The following NBEA variants were observed in gnomAD, a reference collection of about 807,000 sequenced individuals.
NBEA encodes the protein neurobeachin.
In NBEA, 44 loss-of-function variants were observed where a neutral mutation model predicts 343.4. The observed-to-expected ratio is 0.13, with a 90% CI of 0.10 to 0.16. The LOEUF (loss-of-function observed/expected upper bound fraction) is 0.16. Ranked by LOEUF, NBEA falls within the 10% of genes least tolerant of loss-of-function variation. The probability of loss-of-function intolerance (pLI) is 1.00; values close to 1 mark genes in which losing one functional copy is unlikely to be tolerated. For synonymous variants in NBEA, 1,175 were observed against 1,238.7 expected (o/e 0.95, Z 1.08); for missense variants, 2,555 against 3,631.3 (o/e 0.70, Z 7.62).
At chr13:35,329,957 A>G (rs2038819350) in intron 36 of NBEA, among the ~76,000 whole-genome samples, 1 of 151,894 alleles carries the variant, frequency 6.6e-6, no homozygotes, top group African/African-American at 2.4e-5. Flanking sequence ...AAGTGCTCCT[A>G]TACCATGCTT....
chr13:35,350,271 A>G lies in NBEA; in HGVS notation c.6012+1055A>G, dbSNP rs909185491. ...CTAGATATTAGTTATGAGCTTTAAC[A>G]TGTTTAACCAAGGTGACATTAAGCC... On this transcript the variant is annotated intron_variant, in intron 37 of 58. Coordinates refer to ENST00000379939, the MANE Select transcript of NBEA (RefSeq NM_001385012.1). 5.9e-5 allele frequency among the ~76,000 whole-genome samples: 9 copies of G among 152,136 alleles called. No individual in the cohort carries two copies. In the East Asian group the frequency reaches 1.7e-3, roughly 29 times the overall value.
chr13:35,439,740 A>G (rs2045634085), intron 39 of NBEA, among the ~76,000 whole-genome samples: 1 of 152,234 alleles, frequency 6.6e-6, no homozygotes, highest in Admixed American at 6.5e-5. Flanking sequence ...TAAAAAATAA[A>G]TAAATAATTG....
In NBEA at chr13:34,982,352, C is replaced by G. The variant is rs35044372; in HGVS notation, c.294+39238C>G. 3.0e-3 allele frequency among the ~76,000 whole-genome samples: 457 copies of G among 151,868 alleles called. 5 individuals carry two copies. Among genetic ancestry groups the G allele is most frequent in the Non-Finnish European group, 4.4e-3 (298 of 67,920 alleles). On this transcript the variant is annotated intron_variant, in intron 1 of 58. Transcript: ENST00000379939. ...TCTCTGTTGCCCAGGCTGGGGTGCA[C>G]TGGTGCGACCTACCTCAGCTCACTG... is the stretch of plus-strand genomic sequence containing the variant.
intron 38 of NBEA, among the ~76,000 whole-genome samples, chr13:35,420,933 T>A (rs1029860788): frequency 6.6e-6 from 1 of 151,974 alleles, no homozygotes; most frequent in Non-Finnish European, 1.5e-5. Context: ...TTGATTTTTT[T>A]CAAAGAAACA....
At chr13:35,006,978 C>T (rs1276166252) in intron 1 of NBEA, among the ~76,000 whole-genome samples, 5 of 152,328 alleles carry the variant, frequency 3.3e-5, no homozygotes, top group Admixed American at 6.5e-5. Context: ...TTTCAGTTTT[C>T]GAACAATATG....
At chr13:35,164,569 A>G (rs1446827308) in intron 24 of NBEA, 60 bp downstream of exon 24, 31 of 1,522,196 alleles carry the variant, frequency 2.0e-5, no homozygotes, top group South Asian at 1.9e-4. Context: ...TTAGCATTTC[A>G]GTGGTGGTCT....
chr13:35,564,498 G>T (rs1218674672), intron 44 of NBEA, among the ~76,000 whole-genome samples: 1 of 152,042 alleles, frequency 6.6e-6, no homozygotes, highest in Non-Finnish European at 1.5e-5. Context: ...TATAAAAAAA[G>T]TACTGAGCCC....
chr13:34,997,005 T>C (rs1469277105), intron 1 of NBEA, among the ~76,000 whole-genome samples: 1 of 151,916 alleles, frequency 6.6e-6, no homozygotes, highest in African/African-American at 2.4e-5. Context: ...GAAATTTGAA[T>C]ATTCTACCTG....
chr13:35,085,622 TATC>T (rs2064711121), intron 10 of NBEA, among the ~76,000 whole-genome samples: 1 of 152,078 alleles, frequency 6.6e-6, no homozygotes, highest in Admixed American at 6.6e-5. Context: ...CCACAGCCAA[TATC>T]ATACTGAATG....
In NBEA at chr13:35,452,129, C is replaced by A; in HGVS notation, c.6342C>A (p.Phe2114Leu). 6.2e-7 allele frequency: 1 copy of A among 1,612,306 alleles called. No homozygotes were observed. The highest frequency in any genetic ancestry group is 8.5e-7 in the Non-Finnish European group (1 of 1,178,986). The part of the protein sequence containing the change: ...EEDVVKSKKT[F>L]RSQAIVNQNA... ...ATGTAGTAAAGTCAAAGAAAACATT[C>A]AGAAGTCAAGCAATAGTGAACCAAA... Residue 2114 changes from phenylalanine (F) to leucine (L), a missense_variant, in exon 40 of 59, where the codon TTC (phenylalanine) becomes TTA (leucine). By Grantham distance (22) the Phe-to-Leu change is conservative (BLOSUM62 0). Coordinates refer to ENST00000379939, the MANE Select transcript of NBEA (RefSeq NM_001385012.1).
chr13:35,002,967 C>T (rs780714604), intron 1 of NBEA, among the ~76,000 whole-genome samples: 4 of 151,972 alleles, frequency 2.6e-5, no homozygotes, highest in Admixed American at 6.6e-5. Context: ...AGGTACATAC[C>T]GTAAGCCAAC....
At chr13:35,445,233 T>A (rs1382763508) in intron 39 of NBEA, among the ~76,000 whole-genome samples, 1 of 152,150 alleles carries the variant, frequency 6.6e-6, no homozygotes, top group African/African-American at 2.4e-5. Flanking sequence ...TGCAACACTA[T>A]TATAAGCAAT....
chr13:35,650,739 A>G (rs561487153), intron 52 of NBEA, among the ~76,000 whole-genome samples: 4 of 152,230 alleles, frequency 2.6e-5, no homozygotes, highest in Admixed American at 6.5e-5. Flanking sequence ...ACATTTAGAC[A>G]TATGGATGCT....
chr13:35,416,314 G>C (rs144918728), intron 38 of NBEA, among the ~76,000 whole-genome samples: 2,049 of 152,222 alleles, frequency 0.013, 59 homozygotes, highest in African/African-American at 0.047. Flanking sequence ...TCTTGTGCCA[G>C]TTTTCAAAGG....
intron 10 of NBEA, among the ~76,000 whole-genome samples, chr13:35,078,744 A>C (rs1025453423): frequency 2.0e-5 from 3 of 152,214 alleles, no homozygotes; most frequent in African/African-American, 7.2e-5. Context: ...GGAAACCCAT[A>C]TCCTGAAGAC....
At chr13:35,209,999 G>C (rs377621945) in intron 32 of NBEA, among the ~76,000 whole-genome samples, 2 of 151,996 alleles carry the variant, frequency 1.3e-5, no homozygotes, top group East Asian at 1.9e-4. Context: ...CAGCTTTCTA[G>C]AAATAGGAGT....
intron 38 of NBEA, among the ~76,000 whole-genome samples, chr13:35,415,557 T>C (rs2152919938): frequency 6.6e-6 from 1 of 152,324 alleles, no homozygotes; most frequent in Non-Finnish European, 1.5e-5. Context: ...TGTATGGTAT[T>C]ATTTCCAGGG....
chr13:35,021,937 G>A (rs1411424386), intron 1 of NBEA, among the ~76,000 whole-genome samples: 1 of 151,916 alleles, frequency 6.6e-6, no homozygotes. Flanking sequence ...TTTTTTGTGT[G>A]GATTTAAAAT....
chr13:35,314,205 G>T (rs2099624141), intron 36 of NBEA, among the ~76,000 whole-genome samples: 1 of 151,926 alleles, frequency 6.6e-6, no homozygotes, highest in African/African-American at 2.4e-5. Context: ...TTGGGAGAGG[G>T]TATATACTAT....
Sources: gnomAD v4.1 joint callset for allele counts (sites outside exome capture counted in the v4.1 genomes callset) on GRCh38, gnomAD v4.1.1 for gene constraint, MANE v1.5 for transcripts, NCBI Gene and HGNC (gene_info 2026-07-23, HGNC 2026-07-21) for gene names.